The following SLC37A1 variants were observed in gnomAD, a reference collection of about 807,000 sequenced individuals.
The protein encoded by SLC37A1 is glucose-6-phosphate exchanger SLC37A1.
In SLC37A1, 49 loss-of-function variants were observed where a neutral mutation model predicts 75.3. The observed-to-expected ratio is 0.65, with a 90% CI of 0.52 to 0.83. The LOEUF (loss-of-function observed/expected upper bound fraction) is 0.83, where lower values mean the gene tolerates loss of function less well. Among genes scored for constraint, SLC37A1 ranks in the 40% least tolerant of loss-of-function variants. The pLI, the probability that SLC37A1 is intolerant of heterozygous loss-of-function variation, is 0.00. For synonymous variants in SLC37A1, 268 were observed against 292.1 expected, an observed-to-expected ratio of 0.92 and a Z score of 0.84; for missense variants, 566 against 695.0, an observed-to-expected ratio of 0.81 and a Z score of 2.09.
Position 42,548,560 on chromosome 21 carries a change from C to T in SLC37A1, c.768+1420C>T, listed in dbSNP as rs1434551304. 6.6e-6 allele frequency among the ~76,000 whole-genome samples: 1 copy of T among 152,170 alleles called. No homozygotes were observed. The highest frequency in any genetic ancestry group is 1.5e-5 in the Non-Finnish European group (1 of 68,036). ...ATGGAAACCCTCTCACCTCCTCCGC[C>T]TCTACCACCCTGGTCCCCGTCACCA... On this transcript the variant is annotated intron_variant, in intron 9 of 19. Coordinates refer to ENST00000352133, the MANE Select transcript of SLC37A1 (RefSeq NM_001320537.2). The surrounding 1 kb of genome is among the most constrained non-coding windows in gnomAD (Gnocchi z 5.6).
At chr21:42,516,713 G>A (rs561193136) in intron 1 of SLC37A1, among the ~76,000 whole-genome samples, 1 of 152,252 alleles carries the variant, frequency 6.6e-6, no homozygotes, top group African/African-American at 2.4e-5. Flanking sequence ...GGCCTTTGAT[G>A]TTGTTGTCAC....
chr21:42,500,197 T>C (rs1385697381), intron 1 of SLC37A1, among the ~76,000 whole-genome samples: 1 of 152,182 alleles, frequency 6.6e-6, no homozygotes, highest in African/African-American at 2.4e-5. Flanking sequence ...ACTATGAGGT[T>C]GTTTATTAGA....
chr21:42,562,171 G>A lies in SLC37A1; in HGVS notation c.1072+3G>A, dbSNP rs779535784. On this transcript the variant is annotated splice_donor_region_variant and intron_variant, in intron 12 of 19. Coordinates refer to ENST00000352133, the MANE Select transcript of SLC37A1 (RefSeq NM_001320537.2). Reference sequence around the variant, plus strand: ...GCCCCTGTACATCACGAATGTGGGTGAGTATCCACGCTAGAACACATTAAA... The same window carrying A: ...GCCCCTGTACATCACGAATGTGGGTAAGTATCCACGCTAGAACACATTAAA... 6.8e-6 allele frequency: 11 copies of A among 1,613,274 alleles called. No individual in the cohort carries two copies. In the African/African-American group the frequency reaches 1.3e-4, roughly 20 times the overall value.
chr21:42,528,217 A>G (rs1164249907), intron 3 of SLC37A1, among the ~76,000 whole-genome samples: 4 of 152,160 alleles, frequency 2.6e-5, no homozygotes, highest in Admixed American at 2.0e-4. Flanking sequence ...ATTTTTCTCG[A>G]TGATGATGAT....
intron 1 of SLC37A1, among the ~76,000 whole-genome samples, chr21:42,517,168 A>G (rs1255528401): frequency 6.6e-6 from 1 of 152,222 alleles, no homozygotes; most frequent in African/African-American, 2.4e-5. Context: ...CAGGCCACTT[A>G]TCAAGTGCTT....
chr21:42,528,897 A>T (rs921157902), intron 3 of SLC37A1, among the ~76,000 whole-genome samples: 2 of 152,206 alleles, frequency 1.3e-5, no homozygotes, highest in Non-Finnish European at 2.9e-5. Context: ...GGAAGTATGT[A>T]CTATGGGTGG....
rs756597572 is a variant in SLC37A1 at position 42,543,579 on chromosome 21, T to C, written c.707T>C (p.Val236Ala). ...PGAIVAAMGIVCFLFLIEHPN... is the reference protein window; with the variant it reads ...PGAIVAAMGIACFLFLIEHPN... ...GCCATCGTGGCAGCCATGGGGATAGTGTGCTTTCTCTTCCTCATTGAACGT... is the reference window on the plus strand; with the variant it reads ...GCCATCGTGGCAGCCATGGGGATAGCGTGCTTTCTCTTCCTCATTGAACGT... Residue 236 changes from valine to alanine, a missense_variant, in exon 8 of 20, where the codon GTG (valine) becomes GCG (alanine). Transcript: ENST00000352133. 9 of 1,608,354 alleles carry C rather than the reference T, an allele frequency of 5.6e-6. No homozygotes were observed. The South Asian group carries it at 8.8e-5, about 16-fold the overall frequency.
intron 17 of SLC37A1, among the ~76,000 whole-genome samples, chr21:42,570,619 T>C (rs1046254720): frequency 6.6e-6 from 1 of 152,232 alleles, no homozygotes; most frequent in Non-Finnish European, 1.5e-5. Flanking sequence ...CTGACTCTGC[T>C]GTGAAACCCT....
intron 11 of SLC37A1, 65 bp downstream of exon 11, chr21:42,559,154 C>T (rs2055763386): frequency 1.3e-6 from 2 of 1,560,532 alleles, no homozygotes; most frequent in South Asian, 2.4e-5. Flanking sequence ...GAAGTCTGGT[C>T]GGTTGATGAT....
intron 18 of SLC37A1, chr21:42,575,631 G>C: frequency 1.0e-6 from 1 of 985,450 alleles, no homozygotes; most frequent in Non-Finnish European, 1.2e-6. Flanking sequence ...TGGCCACAAA[G>C]TCCCCAGACC....
intron 6 of SLC37A1, among the ~76,000 whole-genome samples, chr21:42,540,618 C>T (rs1287154771): frequency 1.3e-5 from 2 of 152,166 alleles, no homozygotes; most frequent in Non-Finnish European, 1.5e-5. Flanking sequence ...CTTCCGGAAT[C>T]TCCTGGCTTC....
chr21:42,541,135 C>T (rs2055270882), intron 6 of SLC37A1, among the ~76,000 whole-genome samples: 1 of 152,188 alleles, frequency 6.6e-6, no homozygotes, highest in Non-Finnish European at 1.5e-5. Context: ...ATAAGGAGCG[C>T]ACAACCTGGA....
chr21:42,527,126 T>C (rs1448556281), intron 3 of SLC37A1, among the ~76,000 whole-genome samples: 1 of 152,032 alleles, frequency 6.6e-6, no homozygotes, highest in African/African-American at 2.4e-5. Context: ...GGGTGTGGAT[T>C]GTAGGGGAAG....
At chr21:42,535,407 G>A (rs961081345) in intron 4 of SLC37A1, 65 bp from the exon 5 acceptor site, 8 of 1,387,382 alleles carry the variant, frequency 5.8e-6, no homozygotes, top group Non-Finnish European at 8.2e-6. Flanking sequence ...GTGTTTTATA[G>A]CCGTGCTCTA....
intron 1 of SLC37A1, among the ~76,000 whole-genome samples, chr21:42,501,131 T>G (rs1182355063): frequency 6.6e-6 from 1 of 152,246 alleles, no homozygotes; most frequent in Non-Finnish European, 1.5e-5. Context: ...ACATAGTAAG[T>G]GCTCAACCAA....
At chr21:42,568,210 A>G in intron 16 of SLC37A1, 150 bp from the exon 17 acceptor site, 1 of 660,164 alleles carries the variant, frequency 1.5e-6, no homozygotes, top group Non-Finnish European at 2.7e-6. Context: ...TTAACTCTCC[A>G]AGGCAAGCTT....
At position 42,534,800 on chromosome 21, in the gene SLC37A1, A is replaced by G. The variant is rs1354526500; in HGVS notation, c.241A>G (p.Asn81Asp). ...GSAAPHQLPD[N>D]ETDCGWAPFD... Reference sequence around the variant, plus strand: ...CGCTGCCCCCCACCAGCTCCCTGACAATGAGACCGACTGTGGCTGGGCACC... The same window carrying G: ...CGCTGCCCCCCACCAGCTCCCTGACGATGAGACCGACTGTGGCTGGGCACC... Residue 81 changes from asparagine (N) to aspartate (D), a missense_variant, in exon 4 of 20, where the codon AAT (asparagine) becomes GAT (aspartate). By Grantham distance (23) the Asn-to-Asp change is conservative (BLOSUM62 1). Coordinates refer to ENST00000352133, the MANE Select transcript of SLC37A1 (RefSeq NM_001320537.2). The G allele has an allele frequency of 9.9e-6, 16 of 1,613,968 alleles. No homozygotes were observed. Among genetic ancestry groups the G allele is most frequent in the Non-Finnish European group, 1.4e-5 (16 of 1,179,976 alleles).
intron 11 of SLC37A1, among the ~76,000 whole-genome samples, chr21:42,560,059 C>T (rs2055790730): frequency 6.6e-6 from 1 of 152,022 alleles, no homozygotes; most frequent in South Asian, 2.1e-4. Flanking sequence ...GTGCTGCTGG[C>T]CTTGCCTCCA....
At chr21:42,503,849 T>C (rs2054362231) in intron 2 of SLC37A1, among the ~76,000 whole-genome samples, 1 of 152,186 alleles carries the variant, frequency 6.6e-6, no homozygotes, top group South Asian at 2.1e-4. Context: ...GGTTTTAAAC[T>C]GGACTGGTAA....
Sources: gnomAD v4.1 joint callset for allele counts (sites outside exome capture counted in the v4.1 genomes callset) on GRCh38, gnomAD v4.1.1 for gene constraint, Gnocchi (gnomAD v3.1) non-coding constraint, MANE v1.5 for transcripts, NCBI Gene and HGNC (gene_info 2026-07-23, HGNC 2026-07-21) for gene names.